RFX3: variants seen among roughly 807,000 people sequenced by gnomAD.
RFX3 encodes regulatory factor X3, also known as transcription factor RFX3.
RFX3 carries 14 observed loss-of-function variants against 98.6 expected under a neutral mutation model. The observed-to-expected ratio is 0.14, with a 90% confidence interval of 0.09 to 0.22. The LOEUF (loss-of-function observed/expected upper bound fraction) is 0.22, where lower values mean the gene tolerates loss of function less well. Among genes scored for constraint, RFX3 ranks in the 10% least tolerant of loss-of-function variants. The probability of loss-of-function intolerance (pLI) is 1.00; values close to 1 mark genes in which losing one functional copy is unlikely to be tolerated. For missense variants in RFX3, 639 were observed against 926.9 expected, an observed-to-expected ratio of 0.69 and a Z score of 4.03; for synonymous variants, 383 against 328.4, an observed-to-expected ratio of 1.17 and a Z score of -1.80.
intron 1 of RFX3, among the ~76,000 whole-genome samples, chr9:3,396,548 A>G (rs1840900565): frequency 6.6e-6 from 1 of 152,186 alleles, no homozygotes; most frequent in Non-Finnish European, 1.5e-5. Flanking sequence ...TCCTTTGGGT[A>G]TATACCCAGT....
At chr9:3,298,076 TA>T (rs534541459) in intron 5 of RFX3, among the ~76,000 whole-genome samples, 23 of 151,700 alleles carry the variant, frequency 1.5e-4, no homozygotes, top group African/African-American at 2.9e-4. Flanking sequence ...TCTTCATATA[TA>T]AAAAAATTAG....
chr9:3,350,978 G>A (rs1835040382), intron 2 of RFX3, among the ~76,000 whole-genome samples: 1 of 152,034 alleles, frequency 6.6e-6, no homozygotes, highest in Non-Finnish European at 1.5e-5. Flanking sequence ...AGGATTTGTA[G>A]AACAGTGAAA....
At chr9:3,344,956 G>T in intron 3 of RFX3, 1 of 628,656 alleles carries the variant, frequency 1.6e-6, no homozygotes, top group Admixed American at 3.0e-5. Flanking sequence ...ATTTAATACG[G>T]TAACAGAAAT....
chr9:3,504,183 A>G (rs902066417), intron 1 of RFX3, among the ~76,000 whole-genome samples: 1 of 93,748 alleles, frequency 1.1e-5, no homozygotes, highest in Non-Finnish European at 1.7e-5. Flanking sequence ...TATATTATAC[A>G]TATTATATAT....
intron 4 of RFX3, among the ~76,000 whole-genome samples, chr9:3,316,496 A>G (rs1830609249): frequency 2.0e-5 from 3 of 152,224 alleles, no homozygotes; most frequent in Admixed American, 6.5e-5. Flanking sequence ...CACCGCTCCT[A>G]TTCAACATAG....
chr9:3,442,329 C>G (rs577508841), intron 1 of RFX3, among the ~76,000 whole-genome samples: 4 of 151,322 alleles, frequency 2.6e-5, no homozygotes, highest in Non-Finnish European at 5.9e-5. Flanking sequence ...AGAAAGGCAC[C>G]TCTCCCAAAA....
intron 5 of RFX3, among the ~76,000 whole-genome samples, chr9:3,293,980 G>A (rs1827696953): frequency 6.6e-6 from 1 of 152,002 alleles, no homozygotes; most frequent in Non-Finnish European, 1.5e-5. Flanking sequence ...AATGATAGTT[G>A]GTAACACAAT....
At chr9:3,321,634 C>A (rs1181263993) in intron 4 of RFX3, among the ~76,000 whole-genome samples, 1 of 152,074 alleles carries the variant, frequency 6.6e-6, no homozygotes, top group African/African-American at 2.4e-5. Flanking sequence ...AAACTTTATG[C>A]CAGTTTGTTG....
At chr9:3,510,221 T>G (rs565395043) in intron 1 of RFX3, among the ~76,000 whole-genome samples, 1 of 151,832 alleles carries the variant, frequency 6.6e-6, no homozygotes, top group African/African-American at 2.4e-5. Context: ...AGTTGGCCAC[T>G]GAGAAAGAAA....
intron 6 of RFX3, among the ~76,000 whole-genome samples, chr9:3,288,544 C>T (rs183517299): frequency 3.0e-4 from 45 of 152,000 alleles, no homozygotes; most frequent in Non-Finnish European, 4.4e-4. Flanking sequence ...AATTACATTC[C>T]ATTTTCAAAT....
At chr9:3,427,164 C>T (rs1844131660) in intron 1 of RFX3, among the ~76,000 whole-genome samples, 1 of 148,380 alleles carries the variant, frequency 6.7e-6, no homozygotes, top group Non-Finnish European at 1.5e-5. Flanking sequence ...TCATACTTTT[C>T]CTTTTTCTTT....
Position 3,368,840 on chromosome 9 carries a change from T to C in RFX3, c.118-22076A>G, listed in dbSNP as rs927573005. Among the ~76,000 whole-genome samples the C allele has an allele frequency of 1.5e-4, 23 of 152,246 alleles. 1 individual carries two copies. The highest frequency in any genetic ancestry group is 1.4e-3 in the Admixed American group (22 of 15,286). The stretch of plus-strand genomic sequence containing the variant: ...TTCAATGTTCTGTCATCCACTTACA[T>C]CTTAGTATAACTAGCTTCCTTGCAA... On this transcript the variant is annotated intron_variant, in intron 2 of 16. Coordinates refer to ENST00000617270, the MANE Select transcript of RFX3 (RefSeq NM_001282116.2).
chr9:3,237,003 C>G (rs1342794434), intron 15 of RFX3, among the ~76,000 whole-genome samples: 1 of 152,202 alleles, frequency 6.6e-6, no homozygotes, highest in Non-Finnish European at 1.5e-5. Context: ...TATCTTGTGG[C>G]TGGAATAAGA....
chr9:3,375,599 T>A (rs1449298347), intron 2 of RFX3, among the ~76,000 whole-genome samples: 1 of 152,230 alleles, frequency 6.6e-6, no homozygotes, highest in Non-Finnish European at 1.5e-5. Context: ...TTGCTTTCCT[T>A]GGTTTTAAGT....
intron 1 of RFX3, among the ~76,000 whole-genome samples, chr9:3,455,443 T>C (rs1434111186): frequency 6.6e-6 from 1 of 152,348 alleles, no homozygotes; most frequent in East Asian, 1.9e-4. Flanking sequence ...TGTATACTTC[T>C]ACTTCATTGA....
chr9:3,456,937 A>T (rs960707807), intron 1 of RFX3, among the ~76,000 whole-genome samples: 1 of 151,950 alleles, frequency 6.6e-6, no homozygotes, highest in Non-Finnish European at 1.5e-5. Flanking sequence ...TCATGAGGTC[A>T]AGAGATCGAG....
At position 3,265,279 on chromosome 9, in the gene RFX3, T is replaced by C. The variant is rs994219793; in HGVS notation, c.1455+929A>G. Among the ~76,000 whole-genome samples the C allele has an allele frequency of 3.3e-5, 5 of 152,316 alleles. No individual in the cohort carries two copies. The East Asian group carries it at 7.7e-4, about 24-fold the overall frequency. On this transcript the variant is annotated intron_variant, in intron 12 of 16. Transcript: ENST00000617270. ...TGGCTGGCCCTACTGTGAAAGCACA[T>C]TTCTAGAGGAACAATCTAATATGGG...
chr9:3,348,775 T>G (rs1310577448), intron 2 of RFX3, among the ~76,000 whole-genome samples: 2 of 145,874 alleles, frequency 1.4e-5, no homozygotes, highest in Non-Finnish European at 2.9e-5. Flanking sequence ...CTAGCAATCT[T>G]TTTTTCTTGC....
chr9:3,224,792 G>A lies in RFX3; in HGVS notation c.*250C>T. 1 of 375,758 alleles carries A rather than the reference G, an allele frequency of 2.7e-6. No individual in the cohort carries two copies. Among genetic ancestry groups the A allele is most frequent in the East Asian group, 4.4e-5 (1 of 22,972 alleles). The allele number at this position is 375,758 out of a possible 1,614,324, so 23.3% of individuals were successfully genotyped here. A position where few individuals can be genotyped will look rare whatever the true frequency, so the allele number is the denominator to read the frequency against. On this transcript the variant is annotated 3_prime_UTR_variant, in exon 17 of 17. Coordinates refer to ENST00000617270, the MANE Select transcript of RFX3 (RefSeq NM_001282116.2). ...AGAAAACAAAACATTGACATTAAGTGTTGTAAAAATCCTTCTTGACACCTG... is the reference window on the plus strand; with the variant it reads ...AGAAAACAAAACATTGACATTAAGTATTGTAAAAATCCTTCTTGACACCTG...
Sources: gnomAD v4.1 joint callset for allele counts (sites outside exome capture counted in the v4.1 genomes callset) on GRCh38, gnomAD v4.1.1 for gene constraint, MANE v1.5 for transcripts, NCBI Gene and HGNC (gene_info 2026-07-23, HGNC 2026-07-21) for gene names.